Variants in NDFIP2 observed in about 807,000 individuals in gnomAD.
NDFIP2 encodes NEDD4 family-interacting protein 2.
A neutral mutation model predicts 36.0 loss-of-function variants in NDFIP2; 19 were observed. The observed-to-expected ratio is 0.53, with a 90% CI of 0.37 to 0.77. NDFIP2 has a LOEUF of 0.77. Ranked by LOEUF, NDFIP2 falls within the 30% of genes least tolerant of loss-of-function variation. The pLI, the probability that NDFIP2 is intolerant of heterozygous loss-of-function variation, is 0.00. For missense variants in NDFIP2, 446 were observed against 435.8 expected (o/e 1.02, Z -0.21); for synonymous variants, 181 against 167.7 (o/e 1.08, Z -0.61).
chr13:79,548,679 C>T (rs924961888), intron 6 of NDFIP2, among the ~76,000 whole-genome samples: 2 of 152,014 alleles, frequency 1.3e-5, no homozygotes, highest in African/African-American at 4.8e-5. Flanking sequence ...GCATTTATCT[C>T]AGAAAACATA....
chr13:79,546,991 G>C (rs974566401), intron 5 of NDFIP2, among the ~76,000 whole-genome samples: 2 of 151,852 alleles, frequency 1.3e-5, no homozygotes, highest in Admixed American at 6.6e-5. Context: ...GTGTACATGG[G>C]ATTTATGTTT....
intron 1 of NDFIP2, among the ~76,000 whole-genome samples, chr13:79,491,352 TG>T (rs1873219357): frequency 6.6e-6 from 1 of 152,126 alleles, no homozygotes; most frequent in Non-Finnish European, 1.5e-5. Context: ...CTCTTTAAGG[TG>T]GGGGTGATGG....
chr13:79,499,709 G>GA (rs937653354), intron 1 of NDFIP2, among the ~76,000 whole-genome samples: 6 of 151,306 alleles, frequency 4.0e-5, no homozygotes, highest in East Asian at 1.9e-4. Context: ...ACAAAACTTT[G>GA]AAAAAAAATC....
In NDFIP2 at chr13:79,555,379, C is replaced by T. The variant is rs982978128; in HGVS notation, c.*2866C>T. On this transcript the variant is annotated 3_prime_UTR_variant, in exon 8 of 8. Transcript: ENST00000218652. ...CTGTTTTCTCAGCTTAATAGTGCCT[C>T]ATCGTACTCTCAAAAGTGTTCTAAT... 1.3e-5 allele frequency: 2 copies of T among 151,248 alleles called. No individual in the cohort carries two copies. Among genetic ancestry groups the T allele is most frequent in the Non-Finnish European group, 3.0e-5 (2 of 67,758 alleles). The allele number at this position is 151,248 out of a possible 1,614,324, so 9.4% of individuals were successfully genotyped here. A position where few individuals can be genotyped will look rare whatever the true frequency, so the allele number is the denominator to read the frequency against.
At chr13:79,500,640 C>G (rs530820989) in intron 1 of NDFIP2, among the ~76,000 whole-genome samples, 134 of 151,982 alleles carry the variant, frequency 8.8e-4, no homozygotes, top group African/African-American at 3.0e-3. Context: ...TTACGATGGC[C>G]CAAATTCAGA....
chr13:79,504,083 A>G (rs1032677187), intron 1 of NDFIP2, among the ~76,000 whole-genome samples: 1 of 152,174 alleles, frequency 6.6e-6, no homozygotes, highest in Non-Finnish European at 1.5e-5. Flanking sequence ...AGAGGAGTTA[A>G]TCATCATATA....
chr13:79,554,249 A>C lies in NDFIP2; in HGVS notation c.*1736A>C, dbSNP rs1272539523. ...GAAAAAATATTTAGTTTAGTTGCCT[A>C]ATTTGGAAGTTAATTAAAATTAAAC... On this transcript the variant is annotated 3_prime_UTR_variant, in exon 8 of 8. Transcript: ENST00000218652. 6.6e-6 allele frequency: 1 copy of C among 151,758 alleles called. No homozygotes were observed. The highest frequency in any genetic ancestry group is 2.4e-5 in the African/African-American group (1 of 41,434). 9.4% of individuals were successfully genotyped at this position (151,758 alleles called of 1,614,324 possible).
intron 1 of NDFIP2, among the ~76,000 whole-genome samples, chr13:79,510,863 G>A (rs1197610962): frequency 6.6e-6 from 1 of 151,972 alleles, no homozygotes; most frequent in East Asian, 1.9e-4. Context: ...CCCAGGTCTG[G>A]TGGCACACAC....
chr13:79,493,199 T>G (rs888413299), intron 1 of NDFIP2, among the ~76,000 whole-genome samples: 10 of 152,186 alleles, frequency 6.6e-5, no homozygotes, highest in Non-Finnish European at 1.2e-4. Flanking sequence ...ATTAAAGAAA[T>G]AAATGAATGT....
chr13:79,534,327 C>G (rs1875138129), intron 3 of NDFIP2, among the ~76,000 whole-genome samples: 2 of 147,402 alleles, frequency 1.4e-5, no homozygotes, highest in African/African-American at 2.5e-5. Context: ...TGTTACAAGG[C>G]CTTCAAATTA....
At position 79,551,103 on chromosome 13, in the gene NDFIP2, T is replaced by C; in HGVS notation, c.994T>C (p.Tyr332His). Residue 332 changes from tyrosine to histidine, a missense_variant, in exon 7 of 8, where the codon TAT (tyrosine) becomes CAT (histidine). Physicochemically the swap from Tyr to His is moderately conservative, Grantham distance 83 (BLOSUM62 2). Around this residue, in one of 2 missense-constraint regions of NDFIP2, gnomAD observed 77 missense variants for 131.0 expected, o/e 0.59. Transcript: ENST00000218652. ...TATGGCAGCTGCTCATAGAACAAGG[T>C]ATTTCTTCTTATTGTAGAGGTAAGA... ...ESMAAAHRTR[Y>H]FFLL The C allele has an allele frequency of 6.3e-7, 1 of 1,593,534 alleles. No individual in the cohort carries two copies. Among genetic ancestry groups the C allele is most frequent in the Non-Finnish European group, 8.6e-7 (1 of 1,167,434 alleles).
intron 5 of NDFIP2, among the ~76,000 whole-genome samples, chr13:79,546,614 G>A (rs1190430816): frequency 6.6e-6 from 1 of 152,104 alleles, no homozygotes; most frequent in Non-Finnish European, 1.5e-5. Context: ...ACACAGTAAT[G>A]AGTCCAAAAG....
chr13:79,555,796 A>G lies in NDFIP2; in HGVS notation c.*3283A>G, dbSNP rs1876089198. On this transcript the variant is annotated 3_prime_UTR_variant, in exon 8 of 8. Transcript: ENST00000218652. The stretch of plus-strand genomic sequence containing the variant: ...ATAGGAATGTCCTTGCCCATATATA[A>G]AACATGCTGGCATGTATTTTACTTG... 6.6e-6 allele frequency: 1 copy of G among 152,150 alleles called. No homozygotes were observed. The highest frequency in any genetic ancestry group is 1.9e-4 in the East Asian group (1 of 5,198). 9.4% of individuals were successfully genotyped at this position (152,150 alleles called of 1,614,324 possible). A position where few individuals can be genotyped will look rare whatever the true frequency, so the allele number is the denominator to read the frequency against.
intron 1 of NDFIP2, among the ~76,000 whole-genome samples, chr13:79,489,698 TTAA>T (rs1181520333): frequency 1.3e-5 from 2 of 152,168 alleles, no homozygotes; most frequent in Non-Finnish European, 2.9e-5. Flanking sequence ...TGTAAATGTG[TTAA>T]TAACCTGTAG....
In NDFIP2 at chr13:79,549,528, A is replaced by C. The variant is rs7998370; in HGVS notation, c.907+1134A>C. ...GCCATAATCTAGTGTTTATTTATTT[A>C]GGGGAATGTGAAAATGTAATCAGTG... is the stretch of plus-strand genomic sequence containing the variant. On this transcript the variant is annotated intron_variant, in intron 6 of 7. Coordinates refer to ENST00000218652, the MANE Select transcript of NDFIP2 (RefSeq NM_019080.3). 3.5e-3 allele frequency among the ~76,000 whole-genome samples: 531 copies of C among 151,984 alleles called. 4 individuals are homozygous for C. Among genetic ancestry groups the C allele is most frequent in the African/African-American group, 0.012 (497 of 41,534 alleles).
chr13:79,484,258 G>T (rs2079830593), intron 1 of NDFIP2, among the ~76,000 whole-genome samples: 1 of 151,960 alleles, frequency 6.6e-6, no homozygotes. Flanking sequence ...CAAATAATCT[G>T]CCCGCCTTGG....
chr13:79,508,742 C>T (rs182794395), intron 1 of NDFIP2, among the ~76,000 whole-genome samples: 3 of 152,312 alleles, frequency 2.0e-5, no homozygotes, highest in Admixed American at 6.5e-5. Flanking sequence ...AATGCCTTAA[C>T]CTTTTGGGAA....
chr13:79,503,858 G>A (rs921617693), intron 1 of NDFIP2, among the ~76,000 whole-genome samples: 1 of 152,166 alleles, frequency 6.6e-6, no homozygotes, highest in Non-Finnish European at 1.5e-5. Flanking sequence ...AGTCTGGCAG[G>A]CTGTATGGAC....
intron 1 of NDFIP2, among the ~76,000 whole-genome samples, chr13:79,500,929 G>C (rs1416659389): frequency 6.6e-6 from 1 of 152,038 alleles, no homozygotes; most frequent in Non-Finnish European, 1.5e-5. Flanking sequence ...AGATGGCCGT[G>C]AATAGGTGAA....
Sources: allele counts gnomAD v4.1 joint callset (sites outside exome capture counted in the v4.1 genomes callset), GRCh38; gene constraint gnomAD v4.1.1; regional missense constraint gnomAD v4.1.1; transcripts MANE v1.5; gene names NCBI Gene and HGNC (gene_info 2026-07-23, HGNC 2026-07-21).